The following KITLG variants were observed in gnomAD, a reference collection of about 807,000 sequenced individuals.
KITLG encodes the protein KIT ligand, also known as c-Kit ligand.
A neutral mutation model predicts 34.1 loss-of-function variants in KITLG; 13 were observed. The observed-to-expected ratio is 0.38, with a 90% CI of 0.25 to 0.61. The LOEUF (loss-of-function observed/expected upper bound fraction) is 0.61. KITLG is among the 20% of genes least tolerant of loss of function. KITLG has a pLI of 0.60. For synonymous variants in KITLG, 110 were observed against 104.0 expected (o/e 1.06, Z -0.35); for missense variants, 292 against 318.9 (o/e 0.92, Z 0.64).
chr12:88,563,057 T>C (rs1369136318), intron 1 of KITLG, among the ~76,000 whole-genome samples: 1 of 152,246 alleles, frequency 6.6e-6, no homozygotes, highest in Non-Finnish European at 1.5e-5. Flanking sequence ...CATATACTGC[T>C]TTATTTAGAA....
intron 6 of KITLG, 132 bp downstream of exon 6, chr12:88,515,402 C>G (rs926222170): frequency 1.6e-6 from 1 of 628,396 alleles, no homozygotes; most frequent in Non-Finnish European, 2.9e-6. Context: ...CTCAAGAAGA[C>G]CATAAAAGGA....
chr12:88,572,423 C>G (rs1035965045), intron 1 of KITLG, among the ~76,000 whole-genome samples: 1 of 150,778 alleles, frequency 6.6e-6, no homozygotes, highest in Non-Finnish European at 1.5e-5. Context: ...TTCTTAAAGA[C>G]CCTAGTTTCA....
intron 9 of KITLG, among the ~76,000 whole-genome samples, chr12:88,502,384 C>T (rs767114342): frequency 4.6e-5 from 7 of 152,162 alleles, no homozygotes; most frequent in Admixed American, 1.3e-4. Flanking sequence ...ATTAAATACA[C>T]ACATTCACAC....
chr12:88,564,174 A>G (rs1345416431), intron 1 of KITLG: 1 of 152,202 alleles, frequency 6.6e-6, no homozygotes, highest in Non-Finnish European at 1.5e-5. Context: ...TTTGCTTTCA[A>G]GTTTAAAACA....
chr12:88,562,079 G>A (rs992566896), intron 1 of KITLG, among the ~76,000 whole-genome samples: 2 of 152,174 alleles, frequency 1.3e-5, no homozygotes, highest in Admixed American at 6.5e-5. Flanking sequence ...CATGGTATAA[G>A]AATGAGGATT....
chr12:88,558,153 GT>G (rs1428477829), intron 1 of KITLG, among the ~76,000 whole-genome samples: 1 of 152,014 alleles, frequency 6.6e-6, no homozygotes, highest in South Asian at 2.1e-4. Context: ...ACCTTTTTGT[GT>G]TTTTTTCCCA....
chr12:88,577,497 C>T (rs1871865953), intron 1 of KITLG, among the ~76,000 whole-genome samples: 2 of 152,182 alleles, frequency 1.3e-5, no homozygotes, highest in Middle Eastern at 6.8e-3. Flanking sequence ...AAATATGGTG[C>T]CTTGATTGTT....
intron 1 of KITLG, among the ~76,000 whole-genome samples, chr12:88,546,325 G>A (rs1231582398): frequency 6.6e-6 from 1 of 152,162 alleles, no homozygotes; most frequent in Admixed American, 6.5e-5. Flanking sequence ...AGCACACCAA[G>A]TTAAAGTGAG....
At chr12:88,530,293 G>T (rs968659909) in intron 3 of KITLG, among the ~76,000 whole-genome samples, 1 of 152,088 alleles carries the variant, frequency 6.6e-6, no homozygotes, top group Non-Finnish European at 1.5e-5. Context: ...TGACCTACGG[G>T]TTTCTTTTTA....
At chr12:88,551,411 C>T (rs1014671298) in intron 1 of KITLG, among the ~76,000 whole-genome samples, 1 of 152,160 alleles carries the variant, frequency 6.6e-6, no homozygotes, top group African/African-American at 2.4e-5. Context: ...TGTACACACA[C>T]TTTGATTTCT....
intron 1 of KITLG, among the ~76,000 whole-genome samples, chr12:88,552,683 G>A (rs1462611091): frequency 6.6e-6 from 1 of 151,814 alleles, no homozygotes; most frequent in African/African-American, 2.4e-5. Flanking sequence ...GAGCAGCTCA[G>A]CTTTTTTTGT....
At chr12:88,536,012 C>T (rs919077080) in intron 2 of KITLG, among the ~76,000 whole-genome samples, 1 of 152,020 alleles carries the variant, frequency 6.6e-6, no homozygotes, top group Non-Finnish European at 1.5e-5. Context: ...ATGACTAAGT[C>T]CTCAAAAGCA....
At chr12:88,499,725 T>A (rs1868780713) in intron 9 of KITLG, among the ~76,000 whole-genome samples, 1 of 152,210 alleles carries the variant, frequency 6.6e-6, no homozygotes, top group Non-Finnish European at 1.5e-5. Context: ...ATTCTTGAGT[T>A]CTGCCTGTGA....
intron 3 of KITLG, among the ~76,000 whole-genome samples, chr12:88,521,047 G>A (rs1419648734): frequency 6.6e-6 from 1 of 152,068 alleles, no homozygotes; most frequent in African/African-American, 2.4e-5. Flanking sequence ...GAAAAATCGT[G>A]TATTTCTAAA....
chr12:88,518,380 T>C (rs1022736026), intron 4 of KITLG, among the ~76,000 whole-genome samples: 1 of 152,182 alleles, frequency 6.6e-6, no homozygotes, highest in Non-Finnish European at 1.5e-5. Flanking sequence ...AAATGAACAC[T>C]TGTAACTTAA....
At chr12:88,562,445 G>A (rs1000635639) in intron 1 of KITLG, among the ~76,000 whole-genome samples, 16 of 152,202 alleles carry the variant, frequency 1.1e-4, no homozygotes, top group African/African-American at 3.6e-4. Flanking sequence ...GCACCATAAG[G>A]TGCCATATGG....
intron 6 of KITLG, among the ~76,000 whole-genome samples, 180 bp from the exon 7 acceptor site, chr12:88,507,317 G>A (rs1869102893): frequency 6.6e-6 from 1 of 152,112 alleles, no homozygotes; most frequent in African/African-American, 2.4e-5. Context: ...AATCCATGTA[G>A]TCTCCAAAAG....
rs140743595 is a variant in KITLG, at chr12:88,522,569, G to A, written c.193-3702C>T. 9.8e-4 allele frequency among the ~76,000 whole-genome samples: 149 copies of A among 151,820 alleles called. 1 individual carries two copies. Among genetic ancestry groups the A allele is most frequent in the East Asian group, 2.9e-3 (15 of 5,142 alleles). On this transcript the variant is annotated intron_variant, in intron 3 of 9. Coordinates refer to ENST00000644744, the MANE Select transcript of KITLG (RefSeq NM_000899.5). The stretch of plus-strand genomic sequence containing the variant: ...CAGCCTCCTGAGTAGTTGGGATTAC[G>A]GGCATCTGCCACCACGCCCAGCTAA...
chr12:88,549,598 G>C (rs1455944715), intron 1 of KITLG, among the ~76,000 whole-genome samples: 1 of 152,224 alleles, frequency 6.6e-6, no homozygotes, highest in Non-Finnish European at 1.5e-5. Flanking sequence ...TGGGGGTAGA[G>C]AAGGTTTGGG....
Sources: gnomAD v4.1 joint callset for allele counts (sites outside exome capture counted in the v4.1 genomes callset) on GRCh38, gnomAD v4.1.1 for gene constraint, MANE v1.5 for transcripts, NCBI Gene and HGNC (gene_info 2026-07-23, HGNC 2026-07-21) for gene names.